The following SEC23IP variants were observed in gnomAD, a reference collection of about 807,000 sequenced individuals.
The protein encoded by SEC23IP is SEC23 interacting protein.
In SEC23IP, 70 loss-of-function variants were observed where a neutral mutation model predicts 113.4. The observed-to-expected ratio is 0.62, with a 90% CI of 0.51 to 0.75. The LOEUF is 0.75. Ranked by LOEUF, SEC23IP falls within the 30% of genes least tolerant of loss-of-function variation. The pLI is 0.00. For synonymous variants in SEC23IP, 398 were observed against 421.0 expected (o/e 0.95, Z 0.67); for missense variants, 1,160 against 1,204.9 (o/e 0.96, Z 0.55).
In SEC23IP at chr10:119,898,817, A is replaced by T; in HGVS notation, c.554A>T (p.His185Leu). Residue 185 changes from histidine to leucine, a missense_variant, in exon 2 of 19, where the codon CAT (histidine) becomes CTT (leucine). Transcript: ENST00000369075. ...CAACCAGGATACAATCCATATCGCC[A>T]TACCCCTGGCAGCAGCAGGGCTAAT... The part of the protein sequence containing the change: ...IPQPGYNPYR[H>L]TPGSSRANPY... The T allele has an allele frequency of 6.2e-7, 1 of 1,614,118 alleles. No homozygotes were observed. Among genetic ancestry groups the T allele is most frequent in the African/African-American group, 1.3e-5 (1 of 75,044 alleles).
chr10:119,935,073 C>A (rs1373298439), intron 18 of SEC23IP, among the ~76,000 whole-genome samples: 1 of 152,234 alleles, frequency 6.6e-6, no homozygotes, highest in Non-Finnish European at 1.5e-5. Flanking sequence ...CATCCCCAAC[C>A]TCCCTGCCTA....
In SEC23IP at chr10:119,915,745, A is replaced by G; in HGVS notation, c.1403-3A>G. 1.3e-6 allele frequency: 2 copies of G among 1,510,456 alleles called. No homozygotes were observed. The highest frequency in any genetic ancestry group is 4.8e-5 in the East Asian group (2 of 41,538). The allele number at this position is 1,510,456 out of a possible 1,614,324, so 93.6% of individuals were successfully genotyped here. A position where few individuals can be genotyped will look rare whatever the true frequency, so the allele number is the denominator to read the frequency against. On this transcript the variant is annotated splice_region_variant and splice_polypyrimidine_tract_variant and intron_variant, in intron 7 of 18. Coordinates refer to ENST00000369075, the MANE Select transcript of SEC23IP (RefSeq NM_007190.4). Reference sequence around the variant, plus strand: ...TTTTCTCTTTTTTTTTTTTCTTTTGAAGTGGATGATTTTAGGGTGGTTTCT... The same window carrying G: ...TTTTCTCTTTTTTTTTTTTCTTTTGGAGTGGATGATTTTAGGGTGGTTTCT...
chr10:119,892,759 T>A lies in SEC23IP; in HGVS notation c.-24T>A. On this transcript the variant is annotated 5_prime_UTR_variant, in exon 1 of 19. Coordinates refer to ENST00000369075, the MANE Select transcript of SEC23IP (RefSeq NM_007190.4). ...GTGTGGTACCGGGTACCCGGAGACG[T>A]GTATCGGACGGTGGGCCGCAGCCAT... is the stretch of plus-strand genomic sequence containing the variant. 6.3e-7 allele frequency: 1 copy of A among 1,590,262 alleles called. No homozygotes were observed. Among genetic ancestry groups the A allele is most frequent in the Non-Finnish European group, 8.6e-7 (1 of 1,167,358 alleles).
intron 10 of SEC23IP, 148 bp from the exon 11 acceptor site, chr10:119,919,296 A>G: frequency 1.4e-6 from 1 of 701,482 alleles, no homozygotes; most frequent in Non-Finnish European, 2.2e-6. Flanking sequence ...GCCTGGCCAG[A>G]ATATTCAAAC....
rs755832448 is a variant in SEC23IP at position 119,930,458 on chromosome 10, T to C, written c.2572+27T>C. Reference sequence around the variant, plus strand: ...TAAAAAGCAAATACTATAAAAACTTTTTTTCCTGTCATTTGTAATCTGTAA... The same window carrying C: ...TAAAAAGCAAATACTATAAAAACTTCTTTTCCTGTCATTTGTAATCTGTAA... On this transcript the variant is annotated intron_variant, in intron 15 of 18. Transcript: ENST00000369075. The C allele has an allele frequency of 4.1e-5, 55 of 1,349,150 alleles. No individual in the cohort carries two copies. In the South Asian group the frequency reaches 6.7e-4, roughly 16 times the overall value. The allele number at this position is 1,349,150 out of a possible 1,614,324, so 83.6% of individuals were successfully genotyped here.
At chr10:119,907,706 T>C (rs1854723079) in intron 4 of SEC23IP, among the ~76,000 whole-genome samples, 2 of 152,068 alleles carry the variant, frequency 1.3e-5, no homozygotes, top group Non-Finnish European at 2.9e-5. Context: ...ATCCCAGCAC[T>C]TTGGGAGGCT....
In SEC23IP at chr10:119,904,053, A is replaced by C. The variant is rs200072333; in HGVS notation, c.908-31A>C. 7.5e-6 allele frequency: 12 copies of C among 1,606,296 alleles called. No individual in the cohort carries two copies. The African/African-American group carries it at 1.6e-4, about 22-fold the overall frequency. ...ATTATTTTACAATATGCCTTGCAGC[A>C]GTTAGGAAAAGTGTTAATTTTGTTC... On this transcript the variant is annotated intron_variant, in intron 3 of 18. Transcript: ENST00000369075.
intron 8 of SEC23IP, among the ~76,000 whole-genome samples, chr10:119,917,212 T>C (rs1019150143): frequency 6.6e-6 from 1 of 151,862 alleles, no homozygotes; most frequent in Admixed American, 6.6e-5. Flanking sequence ...TTTTAATTTT[T>C]TTTTTGATGT....
intron 8 of SEC23IP, among the ~76,000 whole-genome samples, chr10:119,917,318 A>G (rs964249082): frequency 2.0e-5 from 3 of 150,814 alleles, no homozygotes; most frequent in Non-Finnish European, 3.0e-5. Context: ...TCATGCCTCA[A>G]CCTCCCAAAT....
At chr10:119,917,286 A>G (rs1483381843) in intron 8 of SEC23IP, among the ~76,000 whole-genome samples, 2 of 149,950 alleles carry the variant, frequency 1.3e-5, no homozygotes, top group African/African-American at 4.9e-5. Flanking sequence ...TGCAACCTCC[A>G]CCTCCTGGGT....
At chr10:119,913,187 T>G (rs916611485) in intron 6 of SEC23IP, among the ~76,000 whole-genome samples, 1 of 152,154 alleles carries the variant, frequency 6.6e-6, no homozygotes, top group Non-Finnish European at 1.5e-5. Flanking sequence ...TCTTTATCTT[T>G]AAATTTGGAA....
At chr10:119,935,174 A>G (rs931874237) in intron 18 of SEC23IP, among the ~76,000 whole-genome samples, 11 of 152,182 alleles carry the variant, frequency 7.2e-5, no homozygotes, top group Admixed American at 3.9e-4. Context: ...TTAAAAGACA[A>G]AAGAGGCTGG....
chr10:119,916,459 A>G (rs1855056896), intron 8 of SEC23IP, among the ~76,000 whole-genome samples: 1 of 152,228 alleles, frequency 6.6e-6, no homozygotes. Context: ...AATACAGGTA[A>G]TAGTTATGCT....
chr10:119,921,901 T>A (rs188335540), intron 12 of SEC23IP, among the ~76,000 whole-genome samples: 1 of 152,282 alleles, frequency 6.6e-6, no homozygotes, highest in East Asian at 1.9e-4. Context: ...ACCTACATCA[T>A]TTCTTTATAT....
chr10:119,917,884 T>A lies in SEC23IP; in HGVS notation c.1593T>A (p.Phe531Leu). ...TLPSIGRFRH[F>L]TNETLLDILF... Reference sequence around the variant, plus strand: ...CAAGTATTGGTCGATTTCGTCACTTTACCAATGAAACTTTGCTAGATATTT... The same window carrying A: ...CAAGTATTGGTCGATTTCGTCACTTAACCAATGAAACTTTGCTAGATATTT... The change falls in exon 9 of 19, where the codon TTT becomes TTA. Residue 531 changes from phenylalanine (F) to leucine (L), a missense_variant. Coordinates refer to ENST00000369075, the MANE Select transcript of SEC23IP (RefSeq NM_007190.4). 1 of 1,614,076 alleles carries A rather than the reference T, an allele frequency of 6.2e-7. No individual in the cohort carries two copies. The highest frequency in any genetic ancestry group is 8.5e-7 in the Non-Finnish European group (1 of 1,179,968).
At position 119,892,914 on chromosome 10, in the gene SEC23IP, C is replaced by T; in HGVS notation, c.132C>T (p.Ser44=). Residue 44 remains serine (S), a synonymous_variant, in exon 1 of 19, where the codon TCC becomes TCT. Transcript: ENST00000369075. Reference sequence around the variant, plus strand: ...CCTTCATCCCAGTCACCCAGGCCTCCGCTTCTCCGGCCTCCCTGCTCTTAC... The same window carrying T: ...CCTTCATCCCAGTCACCCAGGCCTCTGCTTCTCCGGCCTCCCTGCTCTTAC... The part of the protein sequence containing the change: ...NVPFIPVTQA[S]ASPASLLLPG... 1 of 1,613,176 alleles carries T rather than the reference C, an allele frequency of 6.2e-7. No individual in the cohort carries two copies. The highest frequency in any genetic ancestry group is 8.5e-7 in the Non-Finnish European group (1 of 1,179,572).
At chr10:119,936,770 G>A (rs1055200014) in intron 18 of SEC23IP, among the ~76,000 whole-genome samples, 4 of 151,754 alleles carry the variant, frequency 2.6e-5, no homozygotes, top group South Asian at 2.1e-4. Flanking sequence ...GTGAAGTTGA[G>A]CTCTTTGGGT....
At chr10:119,904,367 T>A (rs199586364) in intron 4 of SEC23IP, 90 bp downstream of exon 4, 2 of 1,143,968 alleles carry the variant, frequency 1.7e-6, no homozygotes, top group Non-Finnish European at 2.6e-6. Context: ...TGGAGCGGAC[T>A]TTACTTACAA....
intron 15 of SEC23IP, among the ~76,000 whole-genome samples, chr10:119,930,700 A>C (rs1255116135): frequency 1.3e-5 from 2 of 152,204 alleles, no homozygotes; most frequent in African/African-American, 4.8e-5. Context: ...ATTTTGATAG[A>C]GTTTGGTTAC....
Sources: allele counts gnomAD v4.1 joint callset (sites outside exome capture counted in the v4.1 genomes callset), GRCh38; gene constraint gnomAD v4.1.1; transcripts MANE v1.5; gene names NCBI Gene and HGNC (gene_info 2026-07-23, HGNC 2026-07-21).